The following TMX1 variants were observed in gnomAD, a reference collection of about 807,000 sequenced individuals.
The protein encoded by TMX1 is thioredoxin related transmembrane protein 1.
Under a neutral mutation model 36.6 loss-of-function variants are expected in TMX1, and 25 were observed. That is an observed-to-expected ratio of 0.68 (90% CI 0.50 to 0.95). The LOEUF (loss-of-function observed/expected upper bound fraction) is 0.95, where lower values mean the gene tolerates loss of function less well. Ranked by LOEUF, TMX1 falls within the 40% of genes least tolerant of loss-of-function variation. The pLI, the probability that TMX1 is intolerant of heterozygous loss-of-function variation, is 0.00. For missense variants in TMX1, 347 were observed against 339.6 expected (o/e 1.02, Z -0.17); for synonymous variants, 133 against 118.0 (o/e 1.13, Z -0.82).
intron 4 of TMX1, among the ~76,000 whole-genome samples, chr14:51,248,745 G>A (rs1459225541): frequency 6.6e-6 from 1 of 152,000 alleles, no homozygotes; most frequent in African/African-American, 2.4e-5. Flanking sequence ...TTTTAAAACT[G>A]GCCATTTAAT....
chr14:51,249,608 T>C, intron 6 of TMX1, 39 bp downstream of exon 6: 1 of 1,599,180 alleles, frequency 6.3e-7, no homozygotes, highest in Non-Finnish European at 8.5e-7. Flanking sequence ...AAGAAAGATA[T>C]TTAAAAATGT....
chr14:51,252,127 A>G (rs1366833956), intron 7 of TMX1, among the ~76,000 whole-genome samples: 1 of 151,766 alleles, frequency 6.6e-6, no homozygotes, highest in Non-Finnish European at 1.5e-5. Context: ...TAAGGAAATG[A>G]CAGAGATAAT....
Position 51,249,725 on chromosome 14 carries a change from T to C in TMX1, c.624T>C (p.Pro208=). The C allele has an allele frequency of 6.2e-7, 1 of 1,613,482 alleles. No homozygotes were observed. The highest frequency in any genetic ancestry group is 8.5e-7 in the Non-Finnish European group (1 of 1,179,644). Residue 208 remains proline (P), a synonymous_variant, in exon 7 of 8, where the codon CCT becomes CCC. Transcript: ENST00000457354. ...CMIFVADCLC[P]SKRRRPQPYP... ...TATTTGTGGCAGATTGCCTTTGTCC[T>C]TCAAAAAGGCGCAGACCACAGCCGT...
intron 7 of TMX1, among the ~76,000 whole-genome samples, chr14:51,252,263 G>A (rs1234764126): frequency 4.2e-5 from 2 of 47,168 alleles, no homozygotes; most frequent in Non-Finnish European, 1.2e-4. Flanking sequence ...CACAGTAAAA[G>A]TCACTAAAGA....
At chr14:51,242,431 A>C (rs887049408) in intron 1 of TMX1, among the ~76,000 whole-genome samples, 2 of 152,246 alleles carry the variant, frequency 1.3e-5, no homozygotes, top group African/African-American at 4.8e-5. Flanking sequence ...TACAGCAATC[A>C]GAAGTAGTAT....
At chr14:51,247,352 A>ATTTTTTTTTTTTT (rs35852707) in intron 4 of TMX1, 132 bp downstream of exon 4, 1 of 289,932 alleles carries the variant, frequency 3.4e-6, no homozygotes, top group Non-Finnish European at 4.9e-6. Flanking sequence ...TACATGTTTG[A>ATTTTTTTTTTTTT]TTTTTTTTTT....
chr14:51,255,549 TA>T lies in TMX1; in HGVS notation c.*1033del, dbSNP rs1002167202. 3.9e-5 allele frequency: 6 copies of T among 152,210 alleles called. No individual in the cohort carries two copies. Among genetic ancestry groups the T allele is most frequent in the African/African-American group, 1.2e-4 (5 of 41,600 alleles). 9.4% of individuals were successfully genotyped at this position (152,210 alleles called of 1,614,324 possible). ...AAAAAGCATCTTCTTGTATATGTCTTAAATGTATTTTTGTCCTCATATACAG... is the reference window on the plus strand; with the variant it reads ...AAAAAGCATCTTCTTGTATATGTCTTAATGTATTTTTGTCCTCATATACAG... On this transcript the variant is annotated 3_prime_UTR_variant, in exon 8 of 8. Coordinates refer to ENST00000457354, the MANE Select transcript of TMX1 (RefSeq NM_030755.5).
chr14:51,240,505 G>A (rs1469373343), intron 1 of TMX1, 61 bp downstream of exon 1: 5 of 1,568,764 alleles, frequency 3.2e-6, no homozygotes, highest in Non-Finnish European at 4.3e-6. Flanking sequence ...CACCCCGCAC[G>A]TTCCTCGTGC....
intron 2 of TMX1, 111 bp from the exon 3 acceptor site, chr14:51,245,202 G>A: frequency 2.4e-6 from 3 of 1,264,264 alleles, no homozygotes; most frequent in Non-Finnish European, 3.3e-6. Context: ...CAACTATTAG[G>A]TATAATTTCA....
intron 4 of TMX1, 149 bp from the exon 5 acceptor site, chr14:51,249,177 A>T (rs770467835): frequency 7.1e-6 from 4 of 564,630 alleles, no homozygotes; most frequent in Non-Finnish European, 1.2e-5. Flanking sequence ...AAGAAGGCTT[A>T]TTACAGGCAT....
chr14:51,243,084 T>C (rs8014210), intron 1 of TMX1, among the ~76,000 whole-genome samples: 27,233 of 117,436 alleles, frequency 0.23, 2,687 homozygotes, highest in Non-Finnish European at 0.25. Context: ...TTATTCTTCC[T>C]GGTTCTGTTA....
rs2065838177 is a variant in TMX1 at position 51,256,302 on chromosome 14, G to T, written c.*1783G>T. The T allele has an allele frequency of 6.6e-6, 1 of 151,496 alleles. No individual in the cohort carries two copies. The highest frequency in any genetic ancestry group is 1.9e-4 in the East Asian group (1 of 5,164). The allele number at this position is 151,496 out of a possible 1,614,324, so 9.4% of individuals were successfully genotyped here. ...AATATGTGACCAGAAAGATTCTATA[G>T]AGTAAAAAATCAAAGCAAAACAAAA... On this transcript the variant is annotated 3_prime_UTR_variant, in exon 8 of 8. Transcript: ENST00000457354.
At chr14:51,248,150 G>T (rs1443728665) in intron 4 of TMX1, among the ~76,000 whole-genome samples, 2 of 152,192 alleles carry the variant, frequency 1.3e-5, no homozygotes, top group Admixed American at 6.5e-5. Flanking sequence ...GTAGCAACTG[G>T]CTATGGAGTG....
intron 4 of TMX1, among the ~76,000 whole-genome samples, 178 bp downstream of exon 4, chr14:51,247,398 C>A (rs2065790959): frequency 6.8e-6 from 1 of 147,426 alleles, no homozygotes; most frequent in African/African-American, 2.5e-5. Flanking sequence ...GCTCTGTCGC[C>A]CAGGCTGGAG....
intron 1 of TMX1, among the ~76,000 whole-genome samples, chr14:51,241,595 G>A (rs995358395): frequency 2.6e-5 from 4 of 152,160 alleles, no homozygotes; most frequent in African/African-American, 4.8e-5. Flanking sequence ...GCTGGAAGTG[G>A]CGTACGCTAC....
intron 1 of TMX1, among the ~76,000 whole-genome samples, chr14:51,240,916 A>G (rs1294793138): frequency 2.6e-5 from 4 of 152,094 alleles, no homozygotes; most frequent in African/African-American, 9.7e-5. Context: ...TGGTGTTGGA[A>G]TTTGGCGCTT....
chr14:51,244,694 C>T (rs1449989601), intron 2 of TMX1, among the ~76,000 whole-genome samples: 2 of 151,940 alleles, frequency 1.3e-5, no homozygotes, highest in East Asian at 1.9e-4. Flanking sequence ...ATTTATCGAG[C>T]GCTTGCCTAT....
intron 7 of TMX1, among the ~76,000 whole-genome samples, chr14:51,252,328 A>C (rs2065817975): frequency 1.0e-5 from 1 of 97,642 alleles, no homozygotes; most frequent in Non-Finnish European, 2.4e-5. Context: ...TATAAAGTAA[A>C]GGGTTTTTTG....
chr14:51,242,351 T>C (rs1273154683), intron 1 of TMX1, among the ~76,000 whole-genome samples: 1 of 152,182 alleles, frequency 6.6e-6, no homozygotes, highest in Non-Finnish European at 1.5e-5. Context: ...TGATCGTGTG[T>C]GTATATGCAA....
Sources: allele counts gnomAD v4.1 joint callset (sites outside exome capture counted in the v4.1 genomes callset), GRCh38; gene constraint gnomAD v4.1.1; transcripts MANE v1.5; gene names NCBI Gene and HGNC (gene_info 2026-07-23, HGNC 2026-07-21).